The following PDIA6 variants were observed in gnomAD, a reference collection of about 807,000 sequenced individuals.
PDIA6 encodes protein disulfide isomerase family A member 6.
Under a neutral mutation model 58.4 loss-of-function variants are expected in PDIA6, and 29 were observed. The ratio of observed to expected loss-of-function variants is 0.50; its 90% CI spans 0.37 to 0.68. PDIA6 has a LOEUF of 0.68. Ranked by LOEUF, PDIA6 falls within the 30% of genes least tolerant of loss-of-function variation. The probability of loss-of-function intolerance (pLI) is 0.00; values close to 1 mark genes in which losing one functional copy is unlikely to be tolerated. For missense variants in PDIA6, 480 were observed against 551.0 expected, an observed-to-expected ratio of 0.87 and a Z score of 1.29; for synonymous variants, 192 against 202.6, an observed-to-expected ratio of 0.95 and a Z score of 0.44.
intron 4 of PDIA6, among the ~76,000 whole-genome samples, chr2:10,795,315 G>A (rs1311028395): frequency 1.3e-5 from 2 of 152,168 alleles, no homozygotes; most frequent in African/African-American, 4.8e-5. Flanking sequence ...AACAGCAGCA[G>A]ACTGACTGCA....
At position 10,831,687 on chromosome 2, in the gene PDIA6, G is replaced by A. The variant is rs543576217; in HGVS notation, c.-48+515C>T. 1.1e-4 allele frequency among the ~76,000 whole-genome samples: 17 copies of A among 152,310 alleles called. No homozygotes were observed. The South Asian group carries it at 3.5e-3, about 32-fold the overall frequency. ...CAGGATTGGCCTTCACTGAACACGA[G>A]TTAATTGATACCAACGTCTCCTTCA... On this transcript the variant is annotated intron_variant, in intron 1 of 13. Coordinates refer to the PDIA6 transcript ENST00000381611.
chr2:10,810,152 T>C (rs1666942150), intron 1 of PDIA6: 3 of 719,534 alleles, frequency 4.2e-6, no homozygotes, highest in South Asian at 3.1e-5. Context: ...ATTTTGCATA[T>C]ATTAAGTCAT....
Position 10,802,636 on chromosome 2 carries a change from C to G in PDIA6, c.24G>C (p.Leu8=). The change falls in exon 2 of 13, where the codon CTG becomes CTC. Residue 8 remains leucine, a synonymous_variant. Coordinates refer to ENST00000272227, the MANE Select transcript of PDIA6 (RefSeq NM_005742.4). The part of the protein sequence containing the change: MALLVLG[L]VSCTFFLAVN... ...CTGCCAGAAAGAAGGTACAGCTCAC[C>G]AGACCTGAAGATAAAAACAAAAGTG... 1 of 1,448,820 alleles carries G rather than the reference C, an allele frequency of 6.9e-7. No individual in the cohort carries two copies. The highest frequency in any genetic ancestry group is 1.5e-5 in the African/African-American group (1 of 68,112). The allele number at this position is 1,448,820 out of a possible 1,614,324, so 89.7% of individuals were successfully genotyped here.
upstream of PDIA6, among the ~76,000 whole-genome samples, chr2:10,817,247 TTA>T: frequency 6.6e-6 from 1 of 152,322 alleles, no homozygotes; most frequent in East Asian, 1.9e-4. Flanking sequence ...CATGAGTACT[TTA>T]TGTTATTAGC....
At chr2:10,821,808 G>T (rs529232480) in intron 1 of PDIA6, among the ~76,000 whole-genome samples, 2 of 152,072 alleles carry the variant, frequency 1.3e-5, no homozygotes, top group African/African-American at 2.4e-5. Context: ...ATTTTTTGTA[G>T]AGACAGGACC....
intron 4 of PDIA6, among the ~76,000 whole-genome samples, chr2:10,795,201 T>C (rs1666214913): frequency 6.6e-6 from 1 of 152,234 alleles, no homozygotes; most frequent in African/African-American, 2.4e-5. Context: ...TGGGCCATAC[T>C]GTCTATTGCA....
intron 1 of PDIA6, among the ~76,000 whole-genome samples, chr2:10,811,821 G>A (rs576721636): frequency 1.3e-5 from 2 of 152,312 alleles, no homozygotes; most frequent in East Asian, 3.9e-4. Flanking sequence ...GATCACATGC[G>A]AAGCGCCCCT....
chr2:10,798,573 CAAAAAA>C (rs71392259), intron 2 of PDIA6, among the ~76,000 whole-genome samples: 1 of 133,192 alleles, frequency 7.5e-6, no homozygotes. Flanking sequence ...GTCCCCCACC[CAAAAAA>C]AAAAAAAAAA....
chr2:10,791,857 A>G lies in PDIA6; in HGVS notation c.522T>C (p.Val174=). The change falls in exon 6 of 13, where the codon GTT becomes GTC. Residue 174 remains valine, a synonymous_variant. Coordinates refer to ENST00000272227, the MANE Select transcript of PDIA6 (RefSeq NM_005742.4). ...CCATCCAAACATCTTCACTGTCCAG[A>G]ACATTCTTATCAAAGCTGTCGTCTG... ...ELTDDSFDKN[V]LDSEDVWMVE... 1 of 1,614,160 alleles carries G rather than the reference A, an allele frequency of 6.2e-7. No individual in the cohort carries two copies. The highest frequency in any genetic ancestry group is 1.3e-5 in the African/African-American group (1 of 75,066).
upstream of PDIA6, among the ~76,000 whole-genome samples, chr2:10,833,551 A>AGGC (rs1351107619): frequency 1.3e-5 from 2 of 152,190 alleles, no homozygotes; most frequent in East Asian, 3.9e-4. Context: ...TGCCAGGTAG[A>AGGC]GGCGGCTGGG....
chr2:10,810,678 C>G (rs1666968093), intron 1 of PDIA6, among the ~76,000 whole-genome samples: 1 of 152,062 alleles, frequency 6.6e-6, no homozygotes, highest in Non-Finnish European at 1.5e-5. Flanking sequence ...TGTGACCTAG[C>G]AGGGTTACAA....
In PDIA6 at chr2:10,807,615, T is replaced by C. The variant is rs1666816852; in HGVS notation, c.20-4975A>G. On this transcript the variant is annotated intron_variant, in intron 1 of 12. Coordinates refer to ENST00000272227, the MANE Select transcript of PDIA6 (RefSeq NM_005742.4). Reference sequence around the variant, plus strand: ...GCAAATTATAAGTGAGACTGGCCTGTGTTCTCAAGTAGTGTGTGTACATGC... The same window carrying C: ...GCAAATTATAAGTGAGACTGGCCTGCGTTCTCAAGTAGTGTGTGTACATGC... Among the ~76,000 whole-genome samples, 5 of 152,390 alleles carry C rather than the reference T, an allele frequency of 3.3e-5. No homozygotes were observed. The South Asian group carries it at 1.0e-3, about 32-fold the overall frequency.
At chr2:10,820,791 A>T (rs1364168737) in intron 1 of PDIA6, 2 of 702,892 alleles carry the variant, frequency 2.8e-6, no homozygotes, top group African/African-American at 1.7e-5. Flanking sequence ...GTCGGAGCTG[A>T]TGTTGGCTGG....
chr2:10,824,005 A>G (rs1667478372), intron 1 of PDIA6, among the ~76,000 whole-genome samples: 1 of 152,204 alleles, frequency 6.6e-6, no homozygotes, highest in Non-Finnish European at 1.5e-5. Context: ...AAGCACCCAC[A>G]TCATGATTCA....
chr2:10,803,911 G>GGTTTTTTTTT (rs1553339551), intron 1 of PDIA6, among the ~76,000 whole-genome samples: 6 of 117,892 alleles, frequency 5.1e-5, no homozygotes, highest in Non-Finnish European at 8.8e-5. Context: ...TAGTTTTTGT[G>GGTTTTTTTTT]TTTTTTTTTT....
intron 1 of PDIA6, among the ~76,000 whole-genome samples, chr2:10,826,325 G>A (rs1478764255): frequency 6.6e-6 from 1 of 152,188 alleles, no homozygotes; most frequent in South Asian, 2.1e-4. Flanking sequence ...GGAGAGGACA[G>A]TTGCACATAT....
chr2:10,812,056 G>C (rs1229411890), intron 1 of PDIA6, among the ~76,000 whole-genome samples: 2 of 151,934 alleles, frequency 1.3e-5, no homozygotes, highest in Non-Finnish European at 2.9e-5. Context: ...GATCACTGGC[G>C]CGCGACACCA....
intron 1 of PDIA6, among the ~76,000 whole-genome samples, chr2:10,822,898 C>T (rs1379103031): frequency 6.6e-6 from 1 of 152,196 alleles, no homozygotes. Flanking sequence ...GACAAGGCCT[C>T]CCCTTTGTGA....
intron 1 of PDIA6, among the ~76,000 whole-genome samples, chr2:10,809,443 G>A (rs1467485307): frequency 6.6e-6 from 1 of 152,082 alleles, no homozygotes; most frequent in Admixed American, 6.5e-5. Flanking sequence ...TTGGGAGGAT[G>A]AGGCGGGTGG....
Sources: allele counts gnomAD v4.1 joint callset (sites outside exome capture counted in the v4.1 genomes callset), GRCh38; gene constraint gnomAD v4.1.1; transcripts MANE v1.5; gene names NCBI Gene and HGNC (gene_info 2026-07-23, HGNC 2026-07-21).